Variants in ETV5 observed in about 807,000 individuals in gnomAD.
The protein encoded by ETV5 is ETS variant transcription factor 5, also known as ETS translocation variant 5.
A neutral mutation model predicts 70.0 loss-of-function variants in ETV5; 10 were observed. The ratio of observed to expected loss-of-function variants is 0.14; its 90% CI spans 0.09 to 0.24. ETV5 has a LOEUF of 0.24. ETV5 is among the 10% of genes least tolerant of loss of function. The pLI is 1.00. For synonymous variants in ETV5, 216 were observed against 242.2 expected (o/e 0.89, Z 1.01); for missense variants, 453 against 651.2 (o/e 0.70, Z 3.31).
chr3:186,101,224 TAC>T (rs1203615392), intron 5 of ETV5, among the ~76,000 whole-genome samples: 2 of 152,262 alleles, frequency 1.3e-5, no homozygotes, highest in African/African-American at 2.4e-5. Context: ...AGGAAATATG[TAC>T]ACAGTTTTAT....
At chr3:186,106,879 A>G in intron 1 of ETV5, 2 of 892,294 alleles carry the variant, frequency 2.2e-6, no homozygotes, top group Non-Finnish European at 2.7e-6. Context: ...CTTCCTAAAC[A>G]CTTTTATTCT....
At chr3:186,055,521 G>A (rs368268108) in intron 11 of ETV5, among the ~76,000 whole-genome samples, 1 of 152,204 alleles carries the variant, frequency 6.6e-6, no homozygotes, top group Non-Finnish European at 1.5e-5. Context: ...AGACTGAACC[G>A]AATAGAAGCT....
At chr3:186,061,000 C>A (rs1432998629) in intron 9 of ETV5, among the ~76,000 whole-genome samples, 1 of 152,200 alleles carries the variant, frequency 6.6e-6, no homozygotes, top group Non-Finnish European at 1.5e-5. Context: ...CGGGAGACAG[C>A]CCTGCCTTTC....
chr3:186,050,515 G>A (rs377144772), intron 12 of ETV5, among the ~76,000 whole-genome samples: 1 of 152,190 alleles, frequency 6.6e-6, no homozygotes, highest in Non-Finnish European at 1.5e-5. Context: ...GGACAATGGG[G>A]AGTGGCTGCT....
chr3:186,108,236 T>C (rs1578566799), intron 1 of ETV5, among the ~76,000 whole-genome samples: 1 of 150,090 alleles, frequency 6.7e-6, no homozygotes, highest in East Asian at 2.0e-4. Flanking sequence ...GCTGCGAGGC[T>C]GCAGCATCTT....
At position 186,052,983 on chromosome 3, in the gene ETV5, G is replaced by T. The variant is rs1041074506; in HGVS notation, c.1210-852C>A. Among the ~76,000 whole-genome samples the T allele has an allele frequency of 1.3e-5, 2 of 152,002 alleles. No individual in the cohort carries two copies. Among genetic ancestry groups the T allele is most frequent in the Non-Finnish European group, 2.9e-5 (2 of 68,014 alleles). ...AAGGTAGTAGAATAACCCTGGAAATGTGAGTTTTACTCAGAGGTTTTCAAA... is the reference window on the plus strand; with the variant it reads ...AAGGTAGTAGAATAACCCTGGAAATTTGAGTTTTACTCAGAGGTTTTCAAA... On this transcript the variant is annotated intron_variant, in intron 11 of 12. Transcript: ENST00000306376. The surrounding 1 kb of genome is among the most constrained non-coding windows in gnomAD (Gnocchi z 4.5).
At chr3:186,092,770 A>G (rs1265537673) in intron 5 of ETV5, among the ~76,000 whole-genome samples, 4 of 152,146 alleles carry the variant, frequency 2.6e-5, no homozygotes, top group Admixed American at 2.6e-4. Flanking sequence ...CGGAACTGGT[A>G]CCGAGAAGCA....
chr3:186,053,244 G>A (rs1289544587), intron 11 of ETV5, among the ~76,000 whole-genome samples: 2 of 152,104 alleles, frequency 1.3e-5, no homozygotes, highest in African/African-American at 4.8e-5. Flanking sequence ...TGGGATTACA[G>A]GTGTCCATTG....
rs767874878 is a variant in ETV5 at position 186,057,287 on chromosome 3, G to C, written c.1040-43C>G. On this transcript the variant is annotated intron_variant, in intron 10 of 12. Transcript: ENST00000306376. This position sits in a 1 kb window ranked among gnomAD's most constrained non-coding sequence, Gnocchi z 4.9. Reference sequence around the variant, plus strand: ...ACATCACACAATAGCTTAGTCCTAAGTTTCTCAGGTGGTTGGGACAAAAAG... The same window carrying C: ...ACATCACACAATAGCTTAGTCCTAACTTTCTCAGGTGGTTGGGACAAAAAG... 1 of 1,611,368 alleles carries C rather than the reference G, an allele frequency of 6.2e-7. No individual in the cohort carries two copies. The highest frequency in any genetic ancestry group is 1.7e-5 in the Admixed American group (1 of 59,888).
chr3:186,075,981 C>T (rs1342564857), intron 7 of ETV5, among the ~76,000 whole-genome samples: 1 of 152,088 alleles, frequency 6.6e-6, no homozygotes, highest in Admixed American at 6.6e-5. Flanking sequence ...ATATATACGG[C>T]CAGTACTATA....
At position 186,046,518 on chromosome 3, in the gene ETV5, T is replaced by C. The variant is rs866170476; in HGVS notation, c.*2121A>G. On this transcript the variant is annotated 3_prime_UTR_variant, in exon 13 of 13. Transcript: ENST00000306376. ...GAACCCCCGAAAAAAACAAAAACCA[T>C]CCGGGAGGTGCATGAGTCCAATGGG... 2 of 231,292 alleles carry C rather than the reference T, an allele frequency of 8.6e-6. No individual in the cohort carries two copies. Among genetic ancestry groups the C allele is most frequent in the African/African-American group, 2.2e-5 (1 of 45,052 alleles). The allele number at this position is 231,292 out of a possible 1,614,324, so 14.3% of individuals were successfully genotyped here. A position where few individuals can be genotyped will look rare whatever the true frequency, so the allele number is the denominator to read the frequency against.
intron 7 of ETV5, among the ~76,000 whole-genome samples, chr3:186,074,117 A>G (rs1283265391): frequency 6.6e-6 from 1 of 152,116 alleles, no homozygotes; most frequent in Non-Finnish European, 1.5e-5. Context: ...CTAAGGAAAA[A>G]AAAAGGTCTA....
chr3:186,099,472 C>T (rs1714398103), intron 5 of ETV5, among the ~76,000 whole-genome samples: 1 of 152,202 alleles, frequency 6.6e-6, no homozygotes, highest in African/African-American at 2.4e-5. Flanking sequence ...TGTGCCAGGG[C>T]ACAGATGGGG....
intron 1 of ETV5, among the ~76,000 whole-genome samples, chr3:186,106,501 A>C (rs923156892): frequency 6.6e-6 from 1 of 152,224 alleles, no homozygotes. Flanking sequence ...CTTCACACAC[A>C]ACTCTTTATT....
chr3:186,065,955 G>A lies in ETV5; in HGVS notation c.768C>T (p.Pro256=). The part of the protein sequence containing the change: ...QMSEPIVPAA[P]PPPQGFKQEY... ...CTTGTTTGAATCCCTGAGGGGGCGGGGGAGCTGCAGGGACAATAGGTTCTG... is the reference window on the plus strand; with the variant it reads ...CTTGTTTGAATCCCTGAGGGGGCGGAGGAGCTGCAGGGACAATAGGTTCTG... The change falls in exon 8 of 13, where the codon CCC becomes CCT. Residue 256 remains proline (P), a synonymous_variant. Transcript: ENST00000306376. 6 of 1,611,718 alleles carry A rather than the reference G, an allele frequency of 3.7e-6. No individual in the cohort carries two copies. Among genetic ancestry groups the A allele is most frequent in the South Asian group, 1.1e-5 (1 of 90,826 alleles).
intron 5 of ETV5, among the ~76,000 whole-genome samples, chr3:186,092,253 G>A (rs997363883): frequency 1.3e-5 from 2 of 152,050 alleles, no homozygotes; most frequent in African/African-American, 2.4e-5. Flanking sequence ...GAAACTAAAG[G>A]GAAGAAAAGG....
intron 5 of ETV5, among the ~76,000 whole-genome samples, chr3:186,098,786 C>T (rs1223104384): frequency 6.6e-6 from 1 of 152,192 alleles, no homozygotes; most frequent in African/African-American, 2.4e-5. Flanking sequence ...TAAATTTTAG[C>T]TCATGGTTGT....
intron 7 of ETV5, among the ~76,000 whole-genome samples, chr3:186,071,265 T>TGGCC (rs1713626364): frequency 6.6e-6 from 1 of 151,722 alleles, no homozygotes; most frequent in Non-Finnish European, 1.5e-5. Flanking sequence ...GGTGAAGCAG[T>TGGCC]GGCCGTTTAA....
In ETV5 at chr3:186,108,692, G is replaced by A. The variant is rs920349744; in HGVS notation, c.-75+248C>T. The A allele has an allele frequency of 2.6e-6, 3 of 1,150,318 alleles. No homozygotes were observed. In the African/African-American group the frequency reaches 5.0e-5, roughly 19 times the overall value. The allele number at this position is 1,150,318 out of a possible 1,614,324, so 71.3% of individuals were successfully genotyped here. The stretch of plus-strand genomic sequence containing the variant: ...TCGCGCTCCGGGGCGCCTCCCCCAC[G>A]ACGTGTGGAAAGCCGCTCTCCCCGC... On this transcript the variant is annotated intron_variant, in intron 1 of 12. Coordinates refer to ENST00000306376, the MANE Select transcript of ETV5 (RefSeq NM_004454.3).
Sources: allele counts gnomAD v4.1 joint callset (sites outside exome capture counted in the v4.1 genomes callset), GRCh38; gene constraint gnomAD v4.1.1; non-coding constraint Gnocchi (gnomAD v3.1); transcripts MANE v1.5; gene names NCBI Gene and HGNC (gene_info 2026-07-23, HGNC 2026-07-21).